NF2: variants seen among roughly 807,000 people sequenced by gnomAD.
The protein encoded by NF2 is merlin.
A neutral mutation model predicts 83.7 loss-of-function variants in NF2; 8 were observed. The observed-to-expected ratio is 0.10, with a 90% CI of 0.06 to 0.17. The LOEUF is 0.17. Among genes scored for constraint, NF2 ranks in the 10% least tolerant of loss-of-function variants. NF2 has a pLI of 1.00. For synonymous variants in NF2, 266 were observed against 269.6 expected, an observed-to-expected ratio of 0.99 and a Z score of 0.13; for missense variants, 533 against 744.4, an observed-to-expected ratio of 0.72 and a Z score of 3.31.
rs768053145 is a variant in NF2, at chr22:29,671,839, G to A, written c.1013G>A (p.Arg338His). The change falls in exon 11 of 16, where the codon CGC becomes CAC. Residue 338 changes from arginine to histidine, a missense_variant. By Grantham distance (29) the Arg-to-His change is conservative. This residue lies in a region of NF2 where 326 missense variants were observed against 475.1 expected (regional missense o/e 0.69). Coordinates refer to ENST00000338641, the MANE Select transcript of NF2 (RefSeq NM_000268.4). ...CACCCCTCGCAGATGGAGCGGCAGC[G>A]CCTCGCTCGAGAGAAGCAGATGAGG... Reference protein sequence around the residue: ...EKARKQMERQRLAREKQMREE... With the variant: ...EKARKQMERQHLAREKQMREE... The A allele has an allele frequency of 9.3e-6, 15 of 1,613,902 alleles. No individual in the cohort carries two copies. The highest frequency in any genetic ancestry group is 5.3e-5 in the African/African-American group (4 of 74,906).
At chr22:29,608,303 G>C (rs2064857971) in intron 1 of NF2, among the ~76,000 whole-genome samples, 1 of 148,724 alleles carries the variant, frequency 6.7e-6, no homozygotes. Flanking sequence ...TTTTGAGACA[G>C]AGTCTCGCTC....
intron 4 of NF2, among the ~76,000 whole-genome samples, chr22:29,643,753 T>A (rs1339283365): frequency 6.6e-6 from 1 of 152,228 alleles, no homozygotes; most frequent in Non-Finnish European, 1.5e-5. Flanking sequence ...CCCCCCTTTC[T>A]ATTCCACAAA....
chr22:29,648,087 C>T (rs964994861), intron 4 of NF2, among the ~76,000 whole-genome samples: 86 of 151,896 alleles, frequency 5.7e-4, no homozygotes, highest in African/African-American at 2.1e-3. Flanking sequence ...GCCAAGATCA[C>T]ACCACTGCAC....
intron 4 of NF2, among the ~76,000 whole-genome samples, chr22:29,644,031 C>A (rs2065899783): frequency 6.6e-6 from 1 of 151,702 alleles, no homozygotes; most frequent in South Asian, 2.1e-4. Context: ...GACCCCCCCA[C>A]CTCCCTCCCG....
chr22:29,676,673 A>G (rs137866677), intron 13 of NF2, among the ~76,000 whole-genome samples: 121 of 152,268 alleles, frequency 7.9e-4, no homozygotes, highest in African/African-American at 2.5e-3. Flanking sequence ...TGCAATTTTG[A>G]ACAAAATGAC....
intron 1 of NF2, among the ~76,000 whole-genome samples, chr22:29,634,943 C>A (rs2065608879): frequency 6.6e-6 from 1 of 152,170 alleles, no homozygotes; most frequent in South Asian, 2.1e-4. Context: ...TCAAAATAAT[C>A]CCTAAAGACC....
At chr22:29,657,383 G>A (rs181451523) in intron 6 of NF2, among the ~76,000 whole-genome samples, 1 of 152,304 alleles carries the variant, frequency 6.6e-6, no homozygotes, top group East Asian at 1.9e-4. Flanking sequence ...GGACAGTTAG[G>A]TTGTTGGGTT....
intron 9 of NF2, among the ~76,000 whole-genome samples, chr22:29,667,799 C>G (rs1196815290): frequency 6.6e-6 from 1 of 151,974 alleles, no homozygotes; most frequent in Non-Finnish European, 1.5e-5. Flanking sequence ...TTTCCTTAAT[C>G]ACTTTTTGTG....
At chr22:29,664,034 A>G (rs573493005) in intron 8 of NF2, among the ~76,000 whole-genome samples, 1 of 152,274 alleles carries the variant, frequency 6.6e-6, no homozygotes, top group South Asian at 2.1e-4. Context: ...ATTTGATTCT[A>G]TTAACAGCTT....
chr22:29,613,199 C>A (rs1477473883), intron 1 of NF2, among the ~76,000 whole-genome samples: 2 of 152,020 alleles, frequency 1.3e-5, no homozygotes, highest in Non-Finnish European at 2.9e-5. Context: ...GAAAGACTCA[C>A]GCTTTGTGAT....
At chr22:29,612,070 C>T (rs1316249835) in intron 1 of NF2, among the ~76,000 whole-genome samples, 4 of 152,104 alleles carry the variant, frequency 2.6e-5, no homozygotes, top group South Asian at 2.1e-4. Flanking sequence ...TGCGGTGGCG[C>T]GATCTCGGCT....
At position 29,694,378 on chromosome 22, in the gene NF2, C is replaced by G. The variant is rs938709588; in HGVS notation, c.1738-374C>G. On this transcript the variant is annotated intron_variant, in intron 15 of 15. Coordinates refer to ENST00000338641, the MANE Select transcript of NF2 (RefSeq NM_000268.4). This position sits in a 1 kb window ranked among gnomAD's most constrained non-coding sequence, Gnocchi z 4.1. ...GCCCGGAGGGGATGAGCAGCCTCAG[C>G]TGGTGCCGCCACAGACAGCACACCA... is the stretch of plus-strand genomic sequence containing the variant. 1.3e-5 allele frequency among the ~76,000 whole-genome samples: 2 copies of G among 152,222 alleles called. No individual in the cohort carries two copies. The highest frequency in any genetic ancestry group is 2.9e-5 in the Non-Finnish European group (2 of 68,042).
In NF2 at chr22:29,666,819, A is replaced by T. The variant is rs539186112; in HGVS notation, c.886-1514A>T. On this transcript the variant is annotated intron_variant, in intron 9 of 15. Coordinates refer to ENST00000338641, the MANE Select transcript of NF2 (RefSeq NM_000268.4). ...TGGAGAAATCCTGTCTCTACTAAAA[A>T]TACAAAATTAGCTGGGCGTGGTGGC... 1.6e-4 allele frequency among the ~76,000 whole-genome samples: 24 copies of T among 152,192 alleles called. No homozygotes were observed. In the East Asian group the frequency reaches 4.6e-3, roughly 29 times the overall value.
chr22:29,663,541 G>A (rs557483089), intron 8 of NF2, among the ~76,000 whole-genome samples: 8 of 152,360 alleles, frequency 5.3e-5, no homozygotes, highest in Admixed American at 5.2e-4. Context: ...ATGGTGCAGA[G>A]CCTGCGGTTT....
intron 13 of NF2, among the ~76,000 whole-genome samples, chr22:29,677,017 G>A (rs1222018558): frequency 1.6e-5 from 2 of 125,016 alleles, no homozygotes; most frequent in Non-Finnish European, 3.8e-5. Context: ...CCTTGCAGAC[G>A]GTCTGCCTCA....
intron 4 of NF2, among the ~76,000 whole-genome samples, chr22:29,648,826 ACT>A (rs2066057658): frequency 6.6e-6 from 1 of 151,802 alleles, no homozygotes; most frequent in South Asian, 2.1e-4. Context: ...CAGGGCACAA[ACT>A]CTATACCCGC....
At chr22:29,669,412 G>A (rs953134709) in intron 10 of NF2, among the ~76,000 whole-genome samples, 1 of 152,210 alleles carries the variant, frequency 6.6e-6, no homozygotes, top group Non-Finnish European at 1.5e-5. Context: ...GGGAGGCCAA[G>A]GCAGGAGGAT....
At chr22:29,621,606 G>A (rs2065218515) in intron 1 of NF2, among the ~76,000 whole-genome samples, 1 of 151,996 alleles carries the variant, frequency 6.6e-6, no homozygotes, top group Non-Finnish European at 1.5e-5. Context: ...GGTCGAGGTT[G>A]CCATAAGCTT....
intron 14 of NF2, among the ~76,000 whole-genome samples, chr22:29,678,563 C>G (rs1486926068): frequency 6.6e-6 from 1 of 152,178 alleles, no homozygotes; most frequent in Non-Finnish European, 1.5e-5. Flanking sequence ...AAAAATAACA[C>G]TTGACTGGTG....
Sources: allele counts gnomAD v4.1 joint callset (sites outside exome capture counted in the v4.1 genomes callset), GRCh38; gene constraint gnomAD v4.1.1; regional missense constraint gnomAD v4.1.1; non-coding constraint Gnocchi (gnomAD v3.1); transcripts MANE v1.5; gene names NCBI Gene and HGNC (gene_info 2026-07-23, HGNC 2026-07-21).